The following EVC variants were observed in gnomAD, a reference collection of about 807,000 sequenced individuals.
EVC encodes the protein evC complex member EVC.
EVC carries 116 observed loss-of-function variants against 118.9 expected under a neutral mutation model. The ratio of observed to expected loss-of-function variants is 0.98; its 90% confidence interval spans 0.84 to 1.14. EVC has a LOEUF of 1.14. EVC is among the 50% of genes most tolerant of loss of function. The pLI is 0.00. For synonymous variants in EVC, 619 were observed against 534.7 expected (o/e 1.16, Z -2.18); for missense variants, 1,401 against 1,246.4 (o/e 1.12, Z -1.87).
intron 2 of EVC, among the ~76,000 whole-genome samples, chr4:5,722,636 G>T (rs372384960): frequency 6.6e-6 from 1 of 152,106 alleles, no homozygotes; most frequent in South Asian, 2.1e-4. Flanking sequence ...CACAGCCTCC[G>T]TCTCTCCATC....
At chr4:5,741,369 G>A (rs935769454) in intron 5 of EVC, among the ~76,000 whole-genome samples, 3 of 152,176 alleles carry the variant, frequency 2.0e-5, no homozygotes, top group African/African-American at 7.2e-5. Context: ...TTTCTTCAAA[G>A]AAGCAAACCC....
intron 7 of EVC, 123 bp downstream of exon 7, chr4:5,745,464 C>T: frequency 9.9e-7 from 1 of 1,011,728 alleles, no homozygotes; most frequent in Admixed American, 2.0e-5. Flanking sequence ...CGCATTCTGC[C>T]CTAGAGGCAG....
downstream of EVC, among the ~76,000 whole-genome samples, chr4:5,817,976 T>C (rs1312482201): frequency 1.3e-5 from 2 of 152,208 alleles, no homozygotes; most frequent in Non-Finnish European, 2.9e-5. Context: ...GAGGCAAAGA[T>C]AGACAAACCA....
In EVC at chr4:5,783,615, C is replaced by T. The variant is rs751967791; in HGVS notation, c.1627C>T (p.Leu543Phe). ...CGTGGATGCCCTGTTCCTTCAGACG[C>T]TCCCTGGCATGACTGGCCTCCCCCC... The part of the protein sequence containing the change: ...KFVDALFLQT[L>F]PGMTGLPPEE... Residue 543 changes from leucine (L) to phenylalanine (F), a missense_variant, in exon 12 of 21, where the codon CTC (leucine) becomes TTC (phenylalanine). Leu to Phe is a conservative substitution (Grantham distance 22). Coordinates refer to ENST00000264956, the MANE Select transcript of EVC (RefSeq NM_153717.3). 7 of 1,614,192 alleles carry T rather than the reference C, an allele frequency of 4.3e-6. No individual in the cohort carries two copies. The South Asian group carries it at 4.4e-5, about 10-fold the overall frequency.
chr4:5,734,850 C>G (rs1382373870), intron 5 of EVC, among the ~76,000 whole-genome samples: 1 of 152,178 alleles, frequency 6.6e-6, no homozygotes, highest in Non-Finnish European at 1.5e-5. Context: ...ATGGGGGCCA[C>G]CAGGCAGCCT....
intron 13 of EVC, among the ~76,000 whole-genome samples, chr4:5,796,598 C>T (rs923386313): frequency 6.6e-6 from 1 of 152,020 alleles, no homozygotes; most frequent in South Asian, 2.1e-4. Context: ...GACCTCTGTT[C>T]ACCTCTCAGC....
chr4:5,807,625 C>G (rs1370044951), intron 17 of EVC, among the ~76,000 whole-genome samples: 1 of 151,814 alleles, frequency 6.6e-6, no homozygotes, highest in Non-Finnish European at 1.5e-5. Context: ...CCGGCCTCTG[C>G]TCCAGCTCTG....
intron 15 of EVC, among the ~76,000 whole-genome samples, chr4:5,800,662 C>T (rs1714806636): frequency 6.6e-6 from 1 of 152,034 alleles, no homozygotes. Context: ...GATGGGAGCT[C>T]CCGACAGGAA....
intron 9 of EVC, among the ~76,000 whole-genome samples, chr4:5,753,363 G>A (rs1176798623): frequency 3.3e-5 from 5 of 152,248 alleles, no homozygotes; most frequent in Non-Finnish European, 7.3e-5. Flanking sequence ...GAGGGACAGA[G>A]GAGGGTGAAG....
At chr4:5,805,550 C>T (rs1477281814) in intron 17 of EVC, among the ~76,000 whole-genome samples, 5 of 152,210 alleles carry the variant, frequency 3.3e-5, no homozygotes, top group Non-Finnish European at 7.3e-5. Context: ...GGCGCAGAAG[C>T]ATCACTCGGC....
At chr4:5,776,470 G>C (rs545696967) in intron 11 of EVC, among the ~76,000 whole-genome samples, 4 of 152,302 alleles carry the variant, frequency 2.6e-5, no homozygotes, top group African/African-American at 9.6e-5. Context: ...TCAGAGCTGT[G>C]TGTAAACTTG....
intron 11 of EVC, among the ~76,000 whole-genome samples, chr4:5,760,509 G>A (rs1731843465): frequency 6.6e-6 from 1 of 152,086 alleles, no homozygotes; most frequent in Non-Finnish European, 1.5e-5. Context: ...GGACACAGTG[G>A]AGATGGGTGT....
At chr4:5,727,766 G>C (rs1726104064) in intron 2 of EVC, among the ~76,000 whole-genome samples, 2 of 151,162 alleles carry the variant, frequency 1.3e-5, no homozygotes, top group Non-Finnish European at 2.9e-5. Flanking sequence ...GTAAGGAAGG[G>C]ATCCAGTTTC....
chr4:5,803,147 G>GCC (rs1715309450), intron 16 of EVC, among the ~76,000 whole-genome samples: 1 of 152,240 alleles, frequency 6.6e-6, no homozygotes, highest in Non-Finnish European at 1.5e-5. Context: ...ATGGTTGGAA[G>GCC]CCAATTTCTT....
At chr4:5,824,848 C>A in the EVC span, 2 of 985,282 alleles carry the variant, frequency 2.0e-6, no homozygotes, top group African/African-American at 1.7e-5. Context: ...TGCCTGCCCT[C>A]ATGTGGCCAT....
the EVC span, among the ~76,000 whole-genome samples, chr4:5,827,472 A>C: frequency 6.6e-6 from 1 of 152,186 alleles, no homozygotes; most frequent in East Asian, 1.9e-4. Flanking sequence ...AGAGCCTCCC[A>C]GTCCGGGCTG....
At position 5,814,077 on chromosome 4, in the gene EVC, C is replaced by G. The variant is rs747029651; in HGVS notation, c.*3040C>G. ...CTGAAGCTGATGAAGGCTTGAAGGA[C>G]GGAAGGGCTGAGCCACATGAAGGCA... is the stretch of plus-strand genomic sequence containing the variant. On this transcript the variant is annotated 3_prime_UTR_variant, in exon 21 of 21. Coordinates refer to ENST00000264956, the MANE Select transcript of EVC (RefSeq NM_153717.3). The G allele has an allele frequency of 2.6e-5, 4 of 152,292 alleles. No individual in the cohort carries two copies. The highest frequency in any genetic ancestry group is 2.1e-4 in the South Asian group (1 of 4,828). The allele number at this position is 152,292 out of a possible 1,614,324, so 9.4% of individuals were successfully genotyped here.
Position 5,719,472 on chromosome 4 carries a change from T to C in EVC, c.300+99T>C, listed in dbSNP as rs147103181. 5.5e-4 allele frequency: 860 copies of C among 1,572,958 alleles called. 2 individuals are homozygous for C. In the East Asian group the frequency reaches 7.6e-3, roughly 14 times the overall value. ...CATGTAGACAAGCCTCTGACAGATA[T>C]AGTTTCCCAATGGGCTGCTTTTCTG... On this transcript the variant is annotated intron_variant, in intron 2 of 20. Coordinates refer to ENST00000264956, the MANE Select transcript of EVC (RefSeq NM_153717.3). This position sits in a 1 kb window ranked among gnomAD's most constrained non-coding sequence, Gnocchi z 4.7.
chr4:5,760,331 CTG>C, intron 11 of EVC, among the ~76,000 whole-genome samples: 1 of 152,102 alleles, frequency 6.6e-6, no homozygotes, highest in East Asian at 1.9e-4. Context: ...TGGTTTTTCC[CTG>C]TGTGGGCCTA....
Sources: allele counts gnomAD v4.1 joint callset (sites outside exome capture counted in the v4.1 genomes callset), GRCh38; gene constraint gnomAD v4.1.1; non-coding constraint Gnocchi (gnomAD v3.1); transcripts MANE v1.5; gene names NCBI Gene and HGNC (gene_info 2026-07-23, HGNC 2026-07-21).